COP1: variants seen among roughly 807,000 people sequenced by gnomAD.
COP1 encodes E3 ubiquitin-protein ligase COP1.
In COP1, 24 loss-of-function variants were observed where a neutral mutation model predicts 101.3. The observed-to-expected ratio is 0.24, with a 90% CI of 0.17 to 0.33. The LOEUF is 0.33. COP1 is among the 10% of genes least tolerant of loss of function. The probability of loss-of-function intolerance (pLI) is 1.00; values close to 1 mark genes in which losing one functional copy is unlikely to be tolerated. For synonymous variants in COP1, 347 were observed against 341.9 expected, an observed-to-expected ratio of 1.01 and a Z score of -0.17; for missense variants, 663 against 906.2, an observed-to-expected ratio of 0.73 and a Z score of 3.45.
Position 176,206,522 on chromosome 1 carries a change from G to A in COP1, c.407+50C>T, listed in dbSNP as rs1422925337. ...AGACCCCCCGCCCCCAAGCCTAAGC[G>A]GCAGAAACTCATAATTTAGGGACAA... On this transcript the variant is annotated intron_variant, in intron 1 of 19. Coordinates refer to ENST00000367669, the MANE Select transcript of COP1 (RefSeq NM_022457.7). 15 of 1,567,972 alleles carry A rather than the reference G, an allele frequency of 9.6e-6. No individual in the cohort carries two copies. The East Asian group carries it at 2.8e-4, about 30-fold the overall frequency.
intron 18 of COP1, among the ~76,000 whole-genome samples, chr1:175,979,661 T>A (rs1655344845): frequency 6.6e-6 from 1 of 152,116 alleles, no homozygotes; most frequent in East Asian, 1.9e-4. Flanking sequence ...ATAGACAAAA[T>A]GGGCTGGAGA....
chr1:175,983,322 CT>C (rs1186144448), intron 18 of COP1, among the ~76,000 whole-genome samples: 1 of 152,164 alleles, frequency 6.6e-6, no homozygotes, highest in African/African-American at 2.4e-5. Flanking sequence ...CCGAACTGTT[CT>C]CGTGACAGTG....
chr1:176,119,009 C>T (rs951993783), intron 8 of COP1, among the ~76,000 whole-genome samples: 15 of 152,202 alleles, frequency 9.9e-5, no homozygotes, highest in Non-Finnish European at 5.9e-5. Context: ...TTAACAATTC[C>T]TATAGCAAAA....
intron 5 of COP1, chr1:176,160,295 T>C: frequency 2.9e-6 from 1 of 341,012 alleles, no homozygotes; most frequent in Non-Finnish European, 5.6e-6. Context: ...CTTTAAGTTC[T>C]GGGACACGAG....
intron 9 of COP1, among the ~76,000 whole-genome samples, chr1:176,111,597 AG>A (rs1362779074): frequency 6.6e-6 from 1 of 152,180 alleles, no homozygotes; most frequent in Non-Finnish European, 1.5e-5. Context: ...CCAGCCCCTA[AG>A]TATTTAATTT....
At chr1:176,023,981 G>A (rs934485049) in intron 15 of COP1, among the ~76,000 whole-genome samples, 1 of 152,040 alleles carries the variant, frequency 6.6e-6, no homozygotes, top group Non-Finnish European at 1.5e-5. Context: ...CTACAGGCCG[G>A]GCATGGTAGC....
intron 5 of COP1, among the ~76,000 whole-genome samples, chr1:176,156,563 T>C (rs1693483319): frequency 6.6e-6 from 1 of 152,120 alleles, no homozygotes; most frequent in African/African-American, 2.4e-5. Context: ...ACACACACTT[T>C]ATAAGGACAA....
chr1:175,982,465 G>A (rs983502180), intron 18 of COP1: 2 of 450,712 alleles, frequency 4.4e-6, no homozygotes, highest in East Asian at 7.0e-5. Flanking sequence ...AGATGAGGAT[G>A]AAGACCTTTA....
At chr1:176,042,730 CAAAAAA>C (rs35637870) in intron 14 of COP1, among the ~76,000 whole-genome samples, 1 of 49,652 alleles carries the variant, frequency 2.0e-5, no homozygotes, top group Non-Finnish European at 3.7e-5. Context: ...AACTCTATCT[CAAAAAA>C]AAAAAAAAAA....
chr1:176,117,601 T>C (rs2149604687), intron 8 of COP1, among the ~76,000 whole-genome samples: 1 of 152,260 alleles, frequency 6.6e-6, no homozygotes, highest in Admixed American at 6.5e-5. Flanking sequence ...ATTTCTACTA[T>C]AAACATGCTT....
At chr1:176,069,186 A>G (rs544053298) in intron 11 of COP1, among the ~76,000 whole-genome samples, 1 of 152,248 alleles carries the variant, frequency 6.6e-6, no homozygotes, top group African/African-American at 2.4e-5. Context: ...CCTCATCTCA[A>G]GAGAAAAAAA....
chr1:176,076,434 A>G (rs1355780499), intron 11 of COP1, among the ~76,000 whole-genome samples: 1 of 152,236 alleles, frequency 6.6e-6, no homozygotes, highest in Admixed American at 6.5e-5. Context: ...ATGAAAATAG[A>G]GATACAATTT....
intron 15 of COP1, among the ~76,000 whole-genome samples, chr1:175,999,053 CTG>C (rs1357549525): frequency 6.6e-6 from 1 of 152,008 alleles, no homozygotes; most frequent in Admixed American, 6.6e-5. Flanking sequence ...AGCGACTTAA[CTG>C]AGCATTGTGG....
At chr1:176,096,144 C>T (rs77482080) in intron 9 of COP1, among the ~76,000 whole-genome samples, 10,564 of 152,224 alleles carry the variant, frequency 0.069, 459 homozygotes, top group Admixed American at 0.087. Context: ...TTTAGCTGAA[C>T]TAAGGAGAGA....
At chr1:176,059,046 A>T (rs543553155) in intron 11 of COP1, among the ~76,000 whole-genome samples, 1 of 152,342 alleles carries the variant, frequency 6.6e-6, no homozygotes, top group East Asian at 1.9e-4. Context: ...ACTGCCCTCT[A>T]ACTTCAAGGG....
intron 18 of COP1, among the ~76,000 whole-genome samples, chr1:175,984,672 C>T (rs1656687481): frequency 1.3e-5 from 2 of 152,144 alleles, no homozygotes; most frequent in African/African-American, 2.4e-5. Flanking sequence ...AATGCCAGCT[C>T]GTTAAAGCAG....
intron 15 of COP1, among the ~76,000 whole-genome samples, chr1:176,014,317 G>A (rs1357817969): frequency 6.6e-6 from 1 of 152,172 alleles, no homozygotes; most frequent in African/African-American, 2.4e-5. Flanking sequence ...TCTCATCAAT[G>A]CAAGTTCAGA....
chr1:176,115,777 A>C (rs557140622), intron 9 of COP1, among the ~76,000 whole-genome samples: 2 of 152,040 alleles, frequency 1.3e-5, no homozygotes, highest in African/African-American at 2.4e-5. Flanking sequence ...TAAAAATAAA[A>C]AGTCGAAAAA....
At chr1:176,097,760 A>G (rs751768567) in intron 9 of COP1, among the ~76,000 whole-genome samples, 23 of 151,420 alleles carry the variant, frequency 1.5e-4, no homozygotes, top group Non-Finnish European at 2.9e-4. Context: ...TTCCAGCTAC[A>G]AGGGAGGCTG....
Sources: allele counts gnomAD v4.1 joint callset (sites outside exome capture counted in the v4.1 genomes callset), GRCh38; gene constraint gnomAD v4.1.1; transcripts MANE v1.5; gene names NCBI Gene and HGNC (gene_info 2026-07-23, HGNC 2026-07-21).